The following COL18A1 variants were observed in gnomAD, a reference collection of about 807,000 sequenced individuals.
COL18A1 encodes the protein collagen alpha-1(XVIII) chain.
In COL18A1, 133 loss-of-function variants were observed where a neutral mutation model predicts 168.0. The observed-to-expected ratio is 0.79, with a 90% CI of 0.69 to 0.91. The LOEUF (loss-of-function observed/expected upper bound fraction) is 0.91. Among genes scored for constraint, COL18A1 ranks in the 40% least tolerant of loss-of-function variants. The pLI, the probability that COL18A1 is intolerant of heterozygous loss-of-function variation, is 0.00. For synonymous variants in COL18A1, 949 were observed against 809.0 expected, an observed-to-expected ratio of 1.17 and a Z score of -2.94; for missense variants, 2,126 against 1,925.4, an observed-to-expected ratio of 1.10 and a Z score of -1.95.
chr21:45,508,814 T>A (rs890612891), intron 38 of COL18A1, among the ~76,000 whole-genome samples: 3 of 152,130 alleles, frequency 2.0e-5, no homozygotes, highest in African/African-American at 7.2e-5. Context: ...AGCCTGGCCC[T>A]GTGGAGCAGA....
intron 13 of COL18A1, 78 bp downstream of exon 13, chr21:45,480,936 C>G: frequency 1.3e-6 from 2 of 1,529,486 alleles, no homozygotes; most frequent in Non-Finnish European, 1.8e-6. Context: ...ATGGGAGCCC[C>G]TGCCCCGCCT....
rs2033759997 is a variant in COL18A1, at chr21:45,425,265, T to TC, written c.106+19792_106+19793insC. On this transcript the variant is annotated intron_variant, in intron 2 of 41. Coordinates refer to ENST00000651438, the MANE Select transcript of COL18A1 (RefSeq NM_001379500.1). The surrounding 1 kb of genome is among the most constrained non-coding windows in gnomAD (Gnocchi z 4.1). ...CCGCCCGTCTCCCCGGACACGCCTGTTGGAGCCCCGGCCGTGTGTGTGTGT... is the reference window on the plus strand; with the variant it reads ...CCGCCCGTCTCCCCGGACACGCCTGTCTGGAGCCCCGGCCGTGTGTGTGTGT... 6.6e-6 allele frequency among the ~76,000 whole-genome samples: 1 copy of TC among 152,090 alleles called. No individual in the cohort carries two copies. The highest frequency in any genetic ancestry group is 1.5e-5 in the Non-Finnish European group (1 of 68,010).
chr21:45,435,247 A>C, intron 2 of COL18A1, among the ~76,000 whole-genome samples: 1 of 92,170 alleles, frequency 1.1e-5, no homozygotes. Flanking sequence ...TGGGGGCGGG[A>C]GGAGAGAAGA....
At chr21:45,506,267 A>G (rs75109083) in intron 37 of COL18A1, 197 of 418,570 alleles carry the variant, frequency 4.7e-4, no homozygotes, top group African/African-American at 3.8e-3. Context: ...ACACCCGATA[A>G]TAAGACAAGG....
At chr21:45,480,961 C>T in intron 13 of COL18A1, 103 bp downstream of exon 13, 2 of 1,462,074 alleles carry the variant, frequency 1.4e-6, no homozygotes, top group East Asian at 2.5e-5. Flanking sequence ...CCTCCCCAGT[C>T]CCCGCCTCCT....
At chr21:45,407,411 G>A (rs62216283) in intron 2 of COL18A1, 7,519 of 152,308 alleles carry the variant, frequency 0.049, 204 homozygotes, top group Middle Eastern at 0.092. Flanking sequence ...AGGATTGGTC[G>A]CTGTGATGCT....
intron 9 of COL18A1, among the ~76,000 whole-genome samples, chr21:45,479,152 TTGAG>T (rs879768557): frequency 8.6e-5 from 13 of 150,344 alleles, no homozygotes; most frequent in South Asian, 2.1e-4. Context: ...GTGCATGTGT[TTGAG>T]TGTGTGAATG....
intron 2 of COL18A1, among the ~76,000 whole-genome samples, chr21:45,436,721 G>T (rs1003464517): frequency 1.3e-5 from 2 of 151,852 alleles, no homozygotes; most frequent in Non-Finnish European, 2.9e-5. Context: ...CTGGTGGGGG[G>T]CCCTAGAAGG....
intron 2 of COL18A1, among the ~76,000 whole-genome samples, chr21:45,437,484 ACT>A (rs1348964217): frequency 6.5e-5 from 4 of 61,354 alleles, no homozygotes; most frequent in African/African-American, 1.7e-4. Context: ...TCCTGCACAC[ACT>A]CACACTCACA....
At chr21:45,470,799 G>A (rs537438041) in intron 3 of COL18A1, among the ~76,000 whole-genome samples, 1 of 152,294 alleles carries the variant, frequency 6.6e-6, no homozygotes, top group South Asian at 2.1e-4. Context: ...GATTTGATGT[G>A]TTTATGTGGT....
At position 45,498,073 on chromosome 21, in the gene COL18A1, G is replaced by A. The variant is rs2036603160; in HGVS notation, c.2683+412G>A. 9 of 607,532 alleles carry A rather than the reference G, an allele frequency of 1.5e-5. No individual in the cohort carries two copies. The highest frequency in any genetic ancestry group is 8.4e-4 in the Middle Eastern group (2 of 2,382). 37.6% of individuals were successfully genotyped at this position (607,532 alleles called of 1,614,324 possible). A position where few individuals can be genotyped will look rare whatever the true frequency, so the allele number is the denominator to read the frequency against. ...GTGGGAAGGAGGCGTTGCCCGACAG[G>A]CCGTCTGGAGGGTGAGCCCAGCACC... is the stretch of plus-strand genomic sequence containing the variant. On this transcript the variant is annotated intron_variant, in intron 32 of 41. Transcript: ENST00000651438. This position sits in a 1 kb window ranked among gnomAD's most constrained non-coding sequence, Gnocchi z 4.5.
intron 2 of COL18A1, among the ~76,000 whole-genome samples, chr21:45,450,211 AG>A (rs1444402997): frequency 4.6e-5 from 7 of 152,058 alleles, no homozygotes; most frequent in African/African-American, 9.7e-5. Flanking sequence ...GCCACACCTG[AG>A]GGGTCTCTGC....
rs752345511 is a variant in COL18A1, at chr21:45,505,352, C to A, written c.3014-6C>A. 6.3e-7 allele frequency: 1 copy of A among 1,594,490 alleles called. No individual in the cohort carries two copies. ...TCGTGTTCCCACCTTGGTTTCTCTC[C>A]TGCAGCTATCAGCGTTCCCGGCCCT... On this transcript the variant is annotated splice_region_variant and splice_polypyrimidine_tract_variant and intron_variant, in intron 35 of 41. Coordinates refer to ENST00000651438, the MANE Select transcript of COL18A1 (RefSeq NM_001379500.1).
intron 2 of COL18A1, among the ~76,000 whole-genome samples, chr21:45,412,568 G>A (rs897750524): frequency 6.6e-6 from 1 of 152,184 alleles, no homozygotes; most frequent in East Asian, 1.9e-4. Context: ...AATGTGTGGA[G>A]TTGTTTTTCC....
rs749111563 is a variant in COL18A1 at position 45,492,644 on chromosome 21, G to A, written c.2188-43G>A. ...CTGGGTGGGGTCCGGGCAGGCGCGA[G>A]GGTGCGTGATGACCCCAGCTGACGC... On this transcript the variant is annotated intron_variant, in intron 23 of 41. Coordinates refer to ENST00000651438, the MANE Select transcript of COL18A1 (RefSeq NM_001379500.1). 3.7e-6 allele frequency: 6 copies of A among 1,611,586 alleles called. No individual in the cohort carries two copies. The Admixed American group carries it at 8.3e-5, about 22-fold the overall frequency.
chr21:45,439,846 G>A (rs1203221655), intron 2 of COL18A1, among the ~76,000 whole-genome samples: 1 of 152,276 alleles, frequency 6.6e-6, no homozygotes, highest in Non-Finnish European at 1.5e-5. Flanking sequence ...GTGCGAGCCT[G>A]TGAAGTCCAT....
chr21:45,421,037 C>T (rs114391273), intron 2 of COL18A1: 1 of 205,882 alleles, frequency 4.9e-6, no homozygotes, highest in African/African-American at 2.3e-5. Context: ...TGCTCCGAGC[C>T]AGGAGACTCT....
chr21:45,462,170 C>T (rs961945051), intron 2 of COL18A1, among the ~76,000 whole-genome samples: 11 of 152,048 alleles, frequency 7.2e-5, no homozygotes, highest in Admixed American at 2.6e-4. Context: ...TGATCAGTTG[C>T]TTTTCTCTTG....
chr21:45,478,041 C>T (rs773042495), intron 8 of COL18A1, 76 bp downstream of exon 8: 67 of 842,526 alleles, frequency 8.0e-5, no homozygotes, highest in Non-Finnish European at 1.2e-4. Context: ...GAGGCTGCGG[C>T]CGACATGGGA....
Sources: gnomAD v4.1 joint callset for allele counts (sites outside exome capture counted in the v4.1 genomes callset) on GRCh38, gnomAD v4.1.1 for gene constraint, Gnocchi (gnomAD v3.1) non-coding constraint, MANE v1.5 for transcripts, NCBI Gene and HGNC (gene_info 2026-07-23, HGNC 2026-07-21) for gene names.